Variants in NRG1 observed in about 807,000 individuals in gnomAD.
NRG1 encodes the protein pro-neuregulin-1, membrane-bound isoform.
A neutral mutation model predicts 63.8 loss-of-function variants in NRG1; 18 were observed. The observed-to-expected ratio is 0.28, with a 90% CI of 0.19 to 0.42. The LOEUF is 0.42. Among genes scored for constraint, NRG1 ranks in the 10% least tolerant of loss-of-function variants. The pLI is 1.00. For synonymous variants in NRG1, 302 were observed against 301.3 expected (o/e 1.00, Z -0.02); for missense variants, 762 against 814.7 (o/e 0.94, Z 0.79).
chr8:31,651,467 C>T lies in NRG1; in HGVS notation c.37+12036C>T, dbSNP rs1804834393. On this transcript the variant is annotated intron_variant, in intron 1 of 10. Transcript: ENST00000519301. ...CATTGTTTTAGGTTCTAATAATTAGCACTGTTGCTGAAATGGATGAGGTCA... is the reference window on the plus strand; with the variant it reads ...CATTGTTTTAGGTTCTAATAATTAGTACTGTTGCTGAAATGGATGAGGTCA... Among the ~76,000 whole-genome samples the T allele has an allele frequency of 2.0e-5, 3 of 152,270 alleles. No homozygotes were observed. In the South Asian group the frequency reaches 6.2e-4, roughly 32 times the overall value.
intron 1 of NRG1, among the ~76,000 whole-genome samples, chr8:31,811,308 C>T (rs963460254): frequency 2.6e-5 from 4 of 152,160 alleles, no homozygotes; most frequent in Non-Finnish European, 5.9e-5. Flanking sequence ...GTAGATTTCT[C>T]CTGTGTAAGT....
chr8:31,804,712 T>C (rs1822108093), intron 1 of NRG1, among the ~76,000 whole-genome samples: 1 of 152,178 alleles, frequency 6.6e-6, no homozygotes, highest in Non-Finnish European at 1.5e-5. Context: ...GCCTCAGTTA[T>C]TGCTCTTAAG....
chr8:32,080,173 C>G (rs888917556), intron 1 of NRG1, among the ~76,000 whole-genome samples: 6 of 152,046 alleles, frequency 3.9e-5, no homozygotes, highest in Non-Finnish European at 8.8e-5. Flanking sequence ...GAAAATTTTT[C>G]TCTTATGCAA....
chr8:32,026,558 CAACTT>C (rs1241614407), intron 1 of NRG1, among the ~76,000 whole-genome samples: 1 of 152,112 alleles, frequency 6.6e-6, no homozygotes, highest in Non-Finnish European at 1.5e-5. Context: ...TTCTTGCAGT[CAACTT>C]TACTGAAAAC....
intron 2 of NRG1, among the ~76,000 whole-genome samples, chr8:32,604,441 G>A (rs948436134): frequency 6.6e-6 from 1 of 152,152 alleles, no homozygotes; most frequent in Non-Finnish European, 1.5e-5. Flanking sequence ...AAAGTATAAC[G>A]TGGGAGATTT....
chr8:31,826,815 G>A (rs1258764024), intron 1 of NRG1, among the ~76,000 whole-genome samples: 1 of 152,242 alleles, frequency 6.6e-6, no homozygotes. Flanking sequence ...TCATTTGAGA[G>A]AGAAGCAGTT....
intron 1 of NRG1, among the ~76,000 whole-genome samples, chr8:32,318,549 C>A (rs1233712500): frequency 6.6e-6 from 1 of 152,176 alleles, no homozygotes; most frequent in Non-Finnish European, 1.5e-5. Flanking sequence ...AGTGTCCTTA[C>A]CCCTGGTCCA....
intron 2 of NRG1, 87 bp from the exon 3 acceptor site, chr8:32,605,475 G>T (rs1027122509): frequency 4.7e-6 from 7 of 1,502,990 alleles, no homozygotes; most frequent in Non-Finnish European, 6.4e-6. Flanking sequence ...GGCAGTTTGA[G>T]AACTCTGAAA....
intron 1 of NRG1, among the ~76,000 whole-genome samples, chr8:32,268,198 A>C (rs1387150966): frequency 6.6e-6 from 1 of 152,186 alleles, no homozygotes; most frequent in Non-Finnish European, 1.5e-5. Context: ...TCCCTGGTTG[A>C]GCCTCAAATG....
chr8:32,399,389 A>G (rs1812868646), intron 1 of NRG1, among the ~76,000 whole-genome samples: 1 of 152,168 alleles, frequency 6.6e-6, no homozygotes, highest in Admixed American at 6.6e-5. Flanking sequence ...TCCCAAAGTG[A>G]CTTTTAAAAA....
chr8:32,772,516 T>C (rs114274217), downstream of NRG1, among the ~76,000 whole-genome samples: 1,471 of 152,248 alleles, frequency 9.7e-3, 17 homozygotes, highest in African/African-American at 0.026. Context: ...TATTTTTATA[T>C]TAAAGAAATA....
intron 1 of NRG1, among the ~76,000 whole-genome samples, chr8:32,205,171 G>A (rs973406101): frequency 6.6e-6 from 1 of 152,090 alleles, no homozygotes; most frequent in African/African-American, 2.4e-5. Flanking sequence ...TAACAAGAAT[G>A]GTATCTCTGG....
At position 31,816,957 on chromosome 8, in the gene NRG1, A is replaced by AT. The variant is rs1446505013; in HGVS notation, c.37+177531dup. Among the ~76,000 whole-genome samples, 3 of 152,332 alleles carry AT rather than the reference A, an allele frequency of 2.0e-5. No homozygotes were observed. The East Asian group carries it at 5.8e-4, about 29-fold the overall frequency. On this transcript the variant is annotated intron_variant, in intron 1 of 10. Transcript: ENST00000519301. The stretch of plus-strand genomic sequence containing the variant: ...AAGGCAGAAGATAGGCTATACACAT[A>AT]TTTTTAAAAATTTGTCATTGTTCAA...
At chr8:32,230,865 A>G (rs6468092) in intron 1 of NRG1, among the ~76,000 whole-genome samples, 112,878 of 152,026 alleles carry the variant, frequency 0.74, 43,020 homozygotes, top group African/African-American at 0.91. Flanking sequence ...ATCATGTCTT[A>G]TATTAGAAAC....
chr8:32,115,728 C>T (rs12546915), intron 1 of NRG1, among the ~76,000 whole-genome samples: 74,081 of 152,034 alleles, frequency 0.49, 18,553 homozygotes, highest in Admixed American at 0.55. Context: ...ATCCTCACAA[C>T]ATGCCTACAA....
At chr8:32,602,248 A>AT (rs898966887) in intron 2 of NRG1, among the ~76,000 whole-genome samples, 3 of 152,012 alleles carry the variant, frequency 2.0e-5, no homozygotes, top group East Asian at 1.9e-4. Context: ...GCATAGAACC[A>AT]TTTTTTTTAA....
At chr8:32,235,788 T>G (rs1307979357) in intron 1 of NRG1, among the ~76,000 whole-genome samples, 1 of 152,158 alleles carries the variant, frequency 6.6e-6, no homozygotes, top group African/African-American at 2.4e-5. Flanking sequence ...GGAGTTTGGC[T>G]CAATTCAGGG....
Position 32,514,440 on chromosome 8 carries a change from T to C in NRG1, c.38-81388T>C, listed in dbSNP as rs529624106. On this transcript the variant is annotated intron_variant, in intron 1 of 10. Coordinates refer to the NRG1 transcript ENST00000519301. ...CATGCTTCATGCTTGAAAACTTTGATACTTCAATTTATATGATGCATGTAA... is the reference window on the plus strand; with the variant it reads ...CATGCTTCATGCTTGAAAACTTTGACACTTCAATTTATATGATGCATGTAA... Among the ~76,000 whole-genome samples, 9 of 152,338 alleles carry C rather than the reference T, an allele frequency of 5.9e-5. No homozygotes were observed. In the East Asian group the frequency reaches 1.7e-3, roughly 29 times the overall value.
At chr8:32,018,451 G>A (rs1345205999) in intron 1 of NRG1, among the ~76,000 whole-genome samples, 1 of 152,036 alleles carries the variant, frequency 6.6e-6, no homozygotes, top group Admixed American at 6.5e-5. Context: ...CATATTTAAA[G>A]GTAATAGCTA....
Sources: allele counts gnomAD v4.1 joint callset (sites outside exome capture counted in the v4.1 genomes callset), GRCh38; gene constraint gnomAD v4.1.1; transcripts MANE v1.5; gene names NCBI Gene and HGNC (gene_info 2026-07-23, HGNC 2026-07-21).